Variants in ZFYVE26 observed in about 807,000 individuals in gnomAD.
The protein encoded by ZFYVE26 is zinc finger FYVE domain-containing protein 26.
Under a neutral mutation model 276.5 loss-of-function variants are expected in ZFYVE26, and 181 were observed. That is an observed-to-expected ratio of 0.65 (90% CI 0.58 to 0.74). ZFYVE26 has a LOEUF of 0.74. Among genes scored for constraint, ZFYVE26 ranks in the 30% least tolerant of loss-of-function variants. The pLI is 0.00. For synonymous variants in ZFYVE26, 1,129 were observed against 1,203.1 expected (o/e 0.94, Z 1.27); for missense variants, 2,821 against 3,097.9 (o/e 0.91, Z 2.12).
chr14:67,780,708 T>C (rs1440273301), intron 22 of ZFYVE26, among the ~76,000 whole-genome samples: 1 of 152,192 alleles, frequency 6.6e-6, no homozygotes, highest in South Asian at 2.1e-4. Context: ...TCACCTTTCA[T>C]ACAACATTTT....
At chr14:67,766,725 G>C (rs1241154619) in intron 31 of ZFYVE26, among the ~76,000 whole-genome samples, 1 of 151,932 alleles carries the variant, frequency 6.6e-6, no homozygotes, top group Non-Finnish European at 1.5e-5. Flanking sequence ...TTTGAAACAG[G>C]GTCTCACTCT....
chr14:67,803,322 G>C (rs1375747444), intron 9 of ZFYVE26, among the ~76,000 whole-genome samples: 3 of 152,072 alleles, frequency 2.0e-5, no homozygotes, highest in Non-Finnish European at 4.4e-5. Context: ...TTAAAAAAAG[G>C]CTTTGTTCCC....
chr14:67,776,042 A>T lies in ZFYVE26; in HGVS notation c.5039T>A (p.Phe1680Tyr), dbSNP rs2039333898. The T allele has an allele frequency of 1.2e-6, 2 of 1,614,110 alleles. No individual in the cohort carries two copies. Among genetic ancestry groups the T allele is most frequent in the Admixed American group, 1.7e-5 (1 of 60,004 alleles). The part of the protein sequence containing the change: ...SYSHLSSNPL[F>Y]MLEQLLMNMK... The stretch of plus-strand genomic sequence containing the variant: ...GTTCATAAGCAGCTGCTCCAGCATG[A>T]ACAGGGGGTTAGAGGACAAGTGGGA... The change falls in exon 26 of 42, where the codon TTC (phenylalanine) becomes TAC (tyrosine). Residue 1680 changes from phenylalanine (F) to tyrosine (Y), a missense_variant. Transcript: ENST00000347230.
intron 35 of ZFYVE26, among the ~76,000 whole-genome samples, chr14:67,757,694 C>CTCTCTCT: frequency 7.5e-6 from 1 of 132,668 alleles, no homozygotes; most frequent in East Asian, 2.5e-4. Flanking sequence ...CTCTCTCTTT[C>CTCTCTCT]CTTTCTTTCT....
At chr14:67,785,543 GAAC>G (rs2039627286) in intron 18 of ZFYVE26, among the ~76,000 whole-genome samples, 1 of 152,078 alleles carries the variant, frequency 6.6e-6, no homozygotes, top group African/African-American at 2.4e-5. Context: ...CTCTGGGGTG[GAAC>G]AACTTTATGA....
intron 28 of ZFYVE26, chr14:67,770,063 A>T: frequency 2.8e-6 from 1 of 359,972 alleles, no homozygotes; most frequent in Non-Finnish European, 5.3e-6. Flanking sequence ...ACATTTCTAC[A>T]TGGTATTGAT....
At position 67,781,474 on chromosome 14, in the gene ZFYVE26, C is replaced by A. The variant is rs144721227; in HGVS notation, c.4428G>T (p.Arg1476=). The stretch of plus-strand genomic sequence containing the variant: ...ACCTGTCCACAAACTGTAGGGCCAG[C>A]CGACTTCTCAGAGATGCATCCTTCA... ...FPVKDASLRS[R]LALQFVDRWP... Residue 1476 remains arginine (R), a synonymous_variant, in exon 22 of 42, where the codon CGG becomes CGT. Transcript: ENST00000347230. The A allele has an allele frequency of 4.1e-5, 66 of 1,614,160 alleles. No homozygotes were observed. In the African/African-American group the frequency reaches 8.3e-4, roughly 20 times the overall value.
intron 3 of ZFYVE26, among the ~76,000 whole-genome samples, chr14:67,813,454 C>G (rs1470615650): frequency 6.6e-6 from 1 of 151,070 alleles, no homozygotes; most frequent in African/African-American, 2.4e-5. Context: ...GGAAGTTTAT[C>G]TTTAAAAAAG....
Position 67,790,366 on chromosome 14 carries a change from T to C in ZFYVE26, c.2755+206A>G, listed in dbSNP as rs10131048. ...ACAGGATAAGCTTTATGCAGTAGGTTGAGTGGTGGTATCTGAACAGCCTGG... is the reference window on the plus strand; with the variant it reads ...ACAGGATAAGCTTTATGCAGTAGGTCGAGTGGTGGTATCTGAACAGCCTGG... On this transcript the variant is annotated intron_variant, in intron 15 of 41. Transcript: ENST00000347230. 0.64 allele frequency among the ~76,000 whole-genome samples: 97,136 copies of C among 152,100 alleles called. 31,613 individuals are homozygous for C. The highest frequency in any genetic ancestry group is 0.92 in the East Asian group (4,789 of 5,180).
At chr14:67,772,330 A>G in intron 27 of ZFYVE26, 120 bp from the exon 28 acceptor site, 1 of 1,166,444 alleles carries the variant, frequency 8.6e-7, no homozygotes, top group Non-Finnish European at 1.2e-6. Flanking sequence ...GATCCAGTTA[A>G]TGATCATCAG....
chr14:67,809,132 G>T, intron 4 of ZFYVE26, 68 bp downstream of exon 4: 1 of 1,355,030 alleles, frequency 7.4e-7, no homozygotes, highest in Non-Finnish European at 1.1e-6. Flanking sequence ...TCTCTTCTGG[G>T]TCCATGGAAG....
At position 67,816,038 on chromosome 14, in the gene ZFYVE26, G is replaced by A; in HGVS notation, c.-75C>T. On this transcript the variant is annotated 5_prime_UTR_variant, in exon 2 of 42. Transcript: ENST00000347230. ...CACATTCTCAATGTTCTCATTCGCG[G>A]AGTACCTCCTAGAAACAACACAACG... The A allele has an allele frequency of 7.8e-7, 1 of 1,274,542 alleles. No homozygotes were observed. 79.0% of individuals were successfully genotyped at this position (1,274,542 alleles called of 1,614,324 possible). A position where few individuals can be genotyped will look rare whatever the true frequency, so the allele number is the denominator to read the frequency against.
chr14:67,744,219 C>T (rs2038453583), downstream of ZFYVE26, among the ~76,000 whole-genome samples: 1 of 152,108 alleles, frequency 6.6e-6, no homozygotes, highest in African/African-American at 2.4e-5. Context: ...CCAAAGATAT[C>T]TGGTAACCTT....
intron 14 of ZFYVE26, among the ~76,000 whole-genome samples, chr14:67,791,336 C>T (rs2039809175): frequency 6.6e-6 from 1 of 152,154 alleles, no homozygotes; most frequent in Non-Finnish European, 1.5e-5. Context: ...TAATCTAAAT[C>T]TTGAGCAACA....
chr14:67,729,753 T>G (rs764905556), exon 14 of ZFYVE26: 15 of 507,098 alleles, frequency 3.0e-5, no homozygotes, highest in South Asian at 2.1e-4. Flanking sequence ...TAGCACAAAG[T>G]GCTAGGGGAA....
At chr14:67,797,524 T>C (rs538771400) in intron 12 of ZFYVE26, 148 bp downstream of exon 12, 1 of 863,074 alleles carries the variant, frequency 1.2e-6, no homozygotes, top group South Asian at 1.4e-5. Flanking sequence ...CATAGGAAAC[T>C]ATTAACAAGG....
At chr14:67,801,947 A>C in intron 10 of ZFYVE26, 132 bp downstream of exon 10, 1 of 1,003,574 alleles carries the variant, frequency 1.0e-6, no homozygotes, top group Non-Finnish European at 1.6e-6. Context: ...GATGGATGAA[A>C]CTATCCCTGG....
chr14:67,776,220 G>T (rs1285074670), intron 25 of ZFYVE26, 114 bp from the exon 26 acceptor site: 5 of 1,455,240 alleles, frequency 3.4e-6, no homozygotes, highest in Non-Finnish European at 4.7e-6. Context: ...TGCATAGCCA[G>T]CTACTGAAAC....
intron 32 of ZFYVE26, 49 bp downstream of exon 32, chr14:67,766,178 G>C (rs965138566): frequency 6.4e-7 from 1 of 1,574,536 alleles, no homozygotes; most frequent in African/African-American, 1.3e-5. Context: ...AAAAGAAGCT[G>C]GCTAGAAACT....
Sources: gnomAD v4.1 joint callset for allele counts (sites outside exome capture counted in the v4.1 genomes callset) on GRCh38, gnomAD v4.1.1 for gene constraint, MANE v1.5 for transcripts, NCBI Gene and HGNC (gene_info 2026-07-23, HGNC 2026-07-21) for gene names.